FRMPD4: variants seen among roughly 807,000 people sequenced by gnomAD.
FRMPD4 encodes FERM and PDZ domain containing 4.
In FRMPD4, 22 loss-of-function variants were observed where a neutral mutation model predicts 94.1. The ratio of observed to expected loss-of-function variants is 0.23; its 90% confidence interval spans 0.17 to 0.33. The LOEUF (loss-of-function observed/expected upper bound fraction) is 0.33. FRMPD4 is among the 10% of genes least tolerant of loss of function. The probability of loss-of-function intolerance (pLI) is 1.00; values close to 1 mark genes in which losing one functional copy is unlikely to be tolerated. For missense variants in FRMPD4, 1,111 were observed against 1,339.9 expected, an observed-to-expected ratio of 0.83 and a Z score of 2.67; for synonymous variants, 631 against 548.6, an observed-to-expected ratio of 1.15 and a Z score of -2.10.
At chrX:12,000,493 A>G (rs755688206) in intron 3 of FRMPD4, among the ~76,000 whole-genome samples, 1 of 112,271 alleles carries the variant, frequency 8.9e-6, no homozygotes, top group African/African-American at 3.2e-5. Flanking sequence ...TACTAGTATA[A>G]TAGTTCGAAG....
chrX:12,532,099 C>A (rs1020103), intron 2 of FRMPD4, among the ~76,000 whole-genome samples: 21,383 of 110,960 alleles, frequency 0.19, 1,526 homozygotes, highest in South Asian at 0.24. Flanking sequence ...AAACAAACGA[C>A]AAAAGCAGCA....
At chrX:11,946,434 A>G (rs766445989) in intron 3 of FRMPD4, among the ~76,000 whole-genome samples, 6 of 110,924 alleles carry the variant, frequency 5.4e-5, no homozygotes, top group Non-Finnish European at 1.1e-4. Context: ...TGAAATGTGA[A>G]CTGATGTAAT....
intron 1 of FRMPD4, among the ~76,000 whole-genome samples, chrX:12,192,648 ATT>A (rs1264898776): frequency 9.0e-6 from 1 of 111,613 alleles, no homozygotes; most frequent in African/African-American, 3.3e-5. Context: ...GTGTTTCCAA[ATT>A]TAACTAAGTG....
intron 3 of FRMPD4, among the ~76,000 whole-genome samples, chrX:12,033,963 C>T (rs1483515588): frequency 8.9e-6 from 1 of 112,663 alleles, no homozygotes; most frequent in East Asian, 2.8e-4. Context: ...TCCCAAAGTG[C>T]TGGGATTACA....
intron 1 of FRMPD4, among the ~76,000 whole-genome samples, chrX:12,212,034 A>T (rs1329088340): frequency 9.0e-6 from 1 of 111,436 alleles, no homozygotes; most frequent in Non-Finnish European, 1.9e-5. Flanking sequence ...GATGTTTATT[A>T]CTGTGGCAGA....
intron 12 of FRMPD4, among the ~76,000 whole-genome samples, chrX:12,707,266 C>T (rs780862718): frequency 5.3e-5 from 6 of 112,315 alleles, no homozygotes; most frequent in Non-Finnish European, 1.1e-4. Flanking sequence ...TGTGCTATAA[C>T]ATTTACTTTC....
intron 3 of FRMPD4, among the ~76,000 whole-genome samples, chrX:12,610,701 T>A (rs1442037057): frequency 1.8e-5 from 2 of 108,190 alleles, no homozygotes; most frequent in African/African-American, 6.9e-5. Flanking sequence ...TGAGCTGAGA[T>A]TGTGCTACTG....
rs1478269492 is a variant in FRMPD4 at position 12,193,838 on chromosome X, G to GGAAAGA, written c.41+54826_41+54827insGAAAGA. On this transcript the variant is annotated intron_variant, in intron 1 of 16. Transcript: ENST00000675598. ...AGGAAGGAAGGAAGGAGGGAAGGAA[G>GGAAAGA]AAAGAAAAGAAAGAAAAAGGAAGGA... 5.8e-3 allele frequency among the ~76,000 whole-genome samples: 345 copies of GGAAAGA among 59,858 alleles called. 41 individuals carry two copies. The highest frequency in any genetic ancestry group is 0.018 in the Middle Eastern group (2 of 113). 52.0% of individuals were successfully genotyped at this position (59,858 alleles called of 115,157 possible).
intron 1 of FRMPD4, among the ~76,000 whole-genome samples, chrX:12,190,441 A>G (rs2056476775): frequency 9.0e-6 from 1 of 110,518 alleles, no homozygotes; most frequent in Admixed American, 9.7e-5. Context: ...AAGAATTACT[A>G]TAGAGACCAA....
rs994503270 is a variant in FRMPD4, at chrX:12,614,757, G to T, written c.320-22G>T. ...GGTTGCTAATGGTCTTCTCACCTGTGCTTCATTCTATTTGTCTCCAGGTGG... is the reference window on the plus strand; with the variant it reads ...GGTTGCTAATGGTCTTCTCACCTGTTCTTCATTCTATTTGTCTCCAGGTGG... On this transcript the variant is annotated intron_variant, in intron 3 of 16. Transcript: ENST00000675598. 3.5e-6 allele frequency: 3 copies of T among 857,546 alleles called. No individual in the cohort carries two copies. The African/African-American group carries it at 6.0e-5, about 17-fold the overall frequency. 70.7% of individuals were successfully genotyped at this position (857,546 alleles called of 1,213,427 possible). A position where few individuals can be genotyped will look rare whatever the true frequency, so the allele number is the denominator to read the frequency against.
At chrX:12,172,765 C>T (rs942560826) in intron 1 of FRMPD4, among the ~76,000 whole-genome samples, 2 of 112,177 alleles carry the variant, frequency 1.8e-5, no homozygotes, top group Non-Finnish European at 3.8e-5. Flanking sequence ...TACAAATGGC[C>T]TCCTCTCTAG....
At chrX:12,117,716 G>A (rs1186082706) in intron 3 of FRMPD4, among the ~76,000 whole-genome samples, 1 of 112,085 alleles carries the variant, frequency 8.9e-6, no homozygotes, top group African/African-American at 3.2e-5. Flanking sequence ...CTCAGACAAG[G>A]ACTGTCACTC....
intron 1 of FRMPD4, among the ~76,000 whole-genome samples, chrX:12,226,472 T>A (rs1408992792): frequency 8.9e-6 from 1 of 111,805 alleles, no homozygotes; most frequent in Admixed American, 9.5e-5. Context: ...CAATTCCAGA[T>A]AGCCAGTCCC....
chrX:12,558,793 G>T (rs1182714588), intron 2 of FRMPD4, among the ~76,000 whole-genome samples: 1 of 111,866 alleles, frequency 8.9e-6, no homozygotes, highest in East Asian at 2.8e-4. Context: ...CCAGCTATTT[G>T]GGAGGCTAAG....
intron 9 of FRMPD4, among the ~76,000 whole-genome samples, chrX:12,694,805 A>G (rs779296726): frequency 8.9e-6 from 1 of 112,118 alleles, no homozygotes; most frequent in South Asian, 3.7e-4. Flanking sequence ...AAGGTCAATT[A>G]CCAAAATAAT....
At chrX:12,199,135 A>G (rs1286031614) in intron 1 of FRMPD4, among the ~76,000 whole-genome samples, 1 of 111,118 alleles carries the variant, frequency 9.0e-6, no homozygotes, top group East Asian at 2.8e-4. Context: ...GACCTCATAG[A>G]GTATGTGTGC....
At chrX:12,499,502 C>A (rs1393532132) in intron 2 of FRMPD4, among the ~76,000 whole-genome samples, 1 of 112,243 alleles carries the variant, frequency 8.9e-6, no homozygotes, top group Non-Finnish European at 1.9e-5. Context: ...AATCTTTGTA[C>A]CCATTAAACA....
At chrX:12,700,997 G>A (rs927255957) in intron 9 of FRMPD4, among the ~76,000 whole-genome samples, 3 of 107,736 alleles carry the variant, frequency 2.8e-5, no homozygotes, top group Non-Finnish European at 3.8e-5. Context: ...AGTGACAGTA[G>A]TAAACATGTA....
At chrX:12,105,457 TACAC>T (rs1249592972) in intron 3 of FRMPD4, among the ~76,000 whole-genome samples, 15 of 112,475 alleles carry the variant, frequency 1.3e-4, no homozygotes, top group Non-Finnish European at 2.6e-4. Context: ...TCTGTGTGTG[TACAC>T]ACACATGTGT....
Sources: gnomAD v4.1 joint callset for allele counts (sites outside exome capture counted in the v4.1 genomes callset) on GRCh38, gnomAD v4.1.1 for gene constraint, MANE v1.5 for transcripts, NCBI Gene and HGNC (gene_info 2026-07-23, HGNC 2026-07-21) for gene names.